SPCS2: variants seen among roughly 807,000 people sequenced by gnomAD.
SPCS2 encodes SPase 25 kDa subunit.
In SPCS2, 3 loss-of-function variants were observed where a neutral mutation model predicts 22.3. That is an observed-to-expected ratio of 0.13 (90% confidence interval 0.06 to 0.35). SPCS2 has a LOEUF of 0.35. Among genes scored for constraint, SPCS2 ranks in the 10% least tolerant of loss-of-function variants. The pLI, the probability that SPCS2 is intolerant of heterozygous loss-of-function variation, is 1.00. For synonymous variants in SPCS2, 67 were observed against 97.2 expected (o/e 0.69, Z 1.83); for missense variants, 169 against 280.9 (o/e 0.60, Z 2.85).
At chr11:74,957,733 C>A (rs958402714) in intron 1 of SPCS2, among the ~76,000 whole-genome samples, 5 of 152,164 alleles carry the variant, frequency 3.3e-5, no homozygotes, top group African/African-American at 9.7e-5. Flanking sequence ...GTTTATAATT[C>A]ATTGTAAGTA....
At chr11:74,966,797 C>T (rs1438085407) in intron 3 of SPCS2, among the ~76,000 whole-genome samples, 3 of 152,016 alleles carry the variant, frequency 2.0e-5, no homozygotes, top group Non-Finnish European at 4.4e-5. Context: ...AGGGTCTTAC[C>T]GTGTCACCCA....
intron 1 of SPCS2, among the ~76,000 whole-genome samples, chr11:74,959,112 T>A (rs928391419): frequency 6.6e-6 from 1 of 152,132 alleles, no homozygotes; most frequent in Non-Finnish European, 1.5e-5. Flanking sequence ...GAGAAAAAGT[T>A]TATTTTTCTT....
At chr11:74,973,640 C>G (rs535384219) in intron 4 of SPCS2, among the ~76,000 whole-genome samples, 2 of 152,170 alleles carry the variant, frequency 1.3e-5, no homozygotes, top group Non-Finnish European at 2.9e-5. Flanking sequence ...TCACTTCCTC[C>G]TTACCTGGCT....
At chr11:74,963,330 G>A (rs1377387014) in intron 1 of SPCS2, among the ~76,000 whole-genome samples, 5 of 151,500 alleles carry the variant, frequency 3.3e-5, no homozygotes, top group African/African-American at 1.2e-4. Context: ...GGCACCAAGG[G>A]GGAAAAAAAA....
In SPCS2 at chr11:74,965,750, T is replaced by C. The variant is rs1275851624; in HGVS notation, c.199-13T>C. 1.9e-6 allele frequency: 3 copies of C among 1,609,860 alleles called. No homozygotes were observed. Among genetic ancestry groups the C allele is most frequent in the Admixed American group, 3.3e-5 (2 of 59,750 alleles). On this transcript the variant is annotated splice_polypyrimidine_tract_variant and intron_variant, in intron 2 of 4. Coordinates refer to ENST00000263672, the MANE Select transcript of SPCS2 (RefSeq NM_014752.3). ...GTATTCCTATTAGCTTGATTCCTTG[T>C]TTTTCTCACCAGGTACTTCTGGAAA...
At chr11:74,950,288 C>T (rs1398782099) in intron 1 of SPCS2, among the ~76,000 whole-genome samples, 1 of 152,138 alleles carries the variant, frequency 6.6e-6, no homozygotes, top group Admixed American at 6.5e-5. Flanking sequence ...AGAGATTTAG[C>T]CTTAAAATGA....
intron 1 of SPCS2, among the ~76,000 whole-genome samples, chr11:74,956,548 G>A (rs1948479980): frequency 6.6e-6 from 1 of 152,150 alleles, no homozygotes; most frequent in Non-Finnish European, 1.5e-5. Flanking sequence ...TTTCCTGGCT[G>A]TACATCCAGA....
At position 74,949,319 on chromosome 11, in the gene SPCS2, G is replaced by C. The variant is rs1251912804; in HGVS notation, c.34G>C (p.Gly12Arg). The change falls in exon 1 of 5, where the codon GGT becomes CGT. Residue 12 changes from glycine to arginine, a missense_variant. Transcript: ENST00000263672. ...AAAAVQGGRS[G>R]GSGGCSGAGG... ...GGCAGCTGTACAGGGCGGGAGAAGC[G>C]GTGGTAGCGGAGGCTGTAGTGGGGC... is the stretch of plus-strand genomic sequence containing the variant. The C allele has an allele frequency of 5.2e-6, 8 of 1,550,490 alleles. No homozygotes were observed. Among genetic ancestry groups the C allele is most frequent in the Admixed American group, 4.0e-5 (2 of 50,492 alleles).
At position 74,949,298 on chromosome 11, in the gene SPCS2, G is replaced by A. The variant is rs934066103; in HGVS notation, c.13G>A (p.Ala5Thr). 1 of 1,542,936 alleles carries A rather than the reference G, an allele frequency of 6.5e-7. No homozygotes were observed. The highest frequency in any genetic ancestry group is 2.4e-5 in the East Asian group (1 of 40,842). The change falls in exon 1 of 5, where the codon GCT (alanine) becomes ACT (threonine). Residue 5 changes from alanine to threonine, a missense_variant. By Grantham distance (58) the Ala-to-Thr change is moderately conservative. This residue lies in a region of SPCS2 where 51 missense variants were observed against 37.8 expected (regional missense o/e 1.35). Coordinates refer to ENST00000263672, the MANE Select transcript of SPCS2 (RefSeq NM_014752.3). MAAA[A>T]VQGGRSGGSG... Reference sequence around the variant, plus strand: ...AGAGGCGGACAAGATGGCGGCGGCAGCTGTACAGGGCGGGAGAAGCGGTGG... The same window carrying A: ...AGAGGCGGACAAGATGGCGGCGGCAACTGTACAGGGCGGGAGAAGCGGTGG...
At chr11:74,965,674 AT>A (rs752318651) in intron 2 of SPCS2, 88 bp from the exon 3 acceptor site, 538 of 1,163,102 alleles carry the variant, frequency 4.6e-4, no homozygotes, top group Non-Finnish European at 6.1e-4. Flanking sequence ...GGTAATTCAT[AT>A]GATTCTTTTA....
intron 1 of SPCS2, chr11:74,949,609 T>C (rs2140199152): frequency 3.2e-6 from 2 of 619,278 alleles, no homozygotes; most frequent in East Asian, 3.4e-5. Flanking sequence ...ACTTCTTCTT[T>C]TCTCGCAAGT....
At chr11:74,974,557 A>G (rs946860895) in intron 4 of SPCS2, among the ~76,000 whole-genome samples, 2 of 152,048 alleles carry the variant, frequency 1.3e-5, no homozygotes, top group Non-Finnish European at 1.5e-5. Flanking sequence ...TTGTCCAACC[A>G]TTTACCATCT....
At chr11:74,949,500 G>A in intron 1 of SPCS2, 101 bp downstream of exon 1, 1 of 1,066,924 alleles carries the variant, frequency 9.4e-7, no homozygotes, top group Non-Finnish European at 1.4e-6. Context: ...ACGGCCTTTT[G>A]AGGGGAGCCC....
chr11:74,973,218 A>T (rs1358385157), intron 4 of SPCS2, among the ~76,000 whole-genome samples: 5 of 151,914 alleles, frequency 3.3e-5, no homozygotes, highest in Non-Finnish European at 7.4e-5. Context: ...CTTCCCTAAA[A>T]TCCCCCCTTT....
At position 74,978,426 on chromosome 11, in the gene SPCS2, G is replaced by A. The variant is rs1378126295; in HGVS notation, c.*1383G>A. ...GGGTAAGTTTCGGAATTCTCTGTGA[G>A]CTTCTTAAAGTTTTTGAAAGCATGT... On this transcript the variant is annotated 3_prime_UTR_variant, in exon 5 of 5. Transcript: ENST00000263672. 6.6e-6 allele frequency: 1 copy of A among 152,182 alleles called. No individual in the cohort carries two copies. The highest frequency in any genetic ancestry group is 1.5e-5 in the Non-Finnish European group (1 of 68,026). The allele number at this position is 152,182 out of a possible 1,614,324, so 9.4% of individuals were successfully genotyped here. A position where few individuals can be genotyped will look rare whatever the true frequency, so the allele number is the denominator to read the frequency against.
intron 4 of SPCS2, 106 bp from the exon 5 acceptor site, chr11:74,976,750 AC>A (rs1948615981): frequency 7.1e-7 from 1 of 1,404,886 alleles, no homozygotes; most frequent in Admixed American, 1.9e-5. Flanking sequence ...TCCCTGTATC[AC>A]CGTGCCCAGC....
intron 3 of SPCS2, among the ~76,000 whole-genome samples, chr11:74,966,632 G>A (rs994326944): frequency 2.6e-5 from 4 of 151,882 alleles, no homozygotes; most frequent in Non-Finnish European, 5.9e-5. Flanking sequence ...GATCATGGTC[G>A]TTGCCTACCC....
chr11:74,978,849 C>T lies in SPCS2; in HGVS notation c.*1806C>T, dbSNP rs1226773487. ...CTCTCCATGATGATCCCTTAGAGTT[C>T]CCCCACTGTGCCTTTTTCTTTACAT... is the stretch of plus-strand genomic sequence containing the variant. On this transcript the variant is annotated 3_prime_UTR_variant, in exon 5 of 5. Transcript: ENST00000263672. 6.6e-6 allele frequency: 1 copy of T among 152,096 alleles called. No individual in the cohort carries two copies. Among genetic ancestry groups the T allele is most frequent in the African/African-American group, 2.4e-5 (1 of 41,402 alleles). The allele number at this position is 152,096 out of a possible 1,614,324, so 9.4% of individuals were successfully genotyped here.
intron 3 of SPCS2, among the ~76,000 whole-genome samples, chr11:74,968,635 T>A (rs1948561402): frequency 6.6e-6 from 1 of 151,742 alleles, no homozygotes; most frequent in Non-Finnish European, 1.5e-5. Flanking sequence ...GCCATTCTCA[T>A]GCCTCAGCCT....
Sources: gnomAD v4.1 joint callset for allele counts (sites outside exome capture counted in the v4.1 genomes callset) on GRCh38, gnomAD v4.1.1 for gene constraint, gnomAD v4.1.1 regional missense constraint, MANE v1.5 for transcripts, NCBI Gene and HGNC (gene_info 2026-07-23, HGNC 2026-07-21) for gene names.